GUCY1A1: variants seen among roughly 807,000 people sequenced by gnomAD.
GUCY1A1 encodes guanylate cyclase 1 soluble subunit alpha 1.
Under a neutral mutation model 64.5 loss-of-function variants are expected in GUCY1A1, and 48 were observed. That is an observed-to-expected ratio of 0.74 (90% CI 0.59 to 0.95). The LOEUF is 0.95. Among genes scored for constraint, GUCY1A1 ranks in the 40% least tolerant of loss-of-function variants. GUCY1A1 has a pLI of 0.00. For synonymous variants in GUCY1A1, 308 were observed against 303.4 expected, an observed-to-expected ratio of 1.02 and a Z score of -0.16; for missense variants, 804 against 825.3, an observed-to-expected ratio of 0.97 and a Z score of 0.32.
At position 155,710,565 on chromosome 4, in the gene GUCY1A1, G is replaced by T. The variant is rs1293248600; in HGVS notation, c.400G>T (p.Glu134Ter). 6.2e-7 allele frequency: 1 copy of T among 1,603,390 alleles called. No homozygotes were observed. The highest frequency in any genetic ancestry group is 1.3e-5 in the African/African-American group (1 of 74,360). ...AAGVPVEVIK[E>*]SLGEEVFKIC... ...AGGAGTTCCAGTGGAGGTTATCAAA[G>T]AATCTCTTGGTGAAGAGGTTTTTAA... The change falls in exon 6 of 10, where the codon GAA (glutamate) becomes TAA (stop). Residue 134 changes from glutamate to a stop codon, truncating the protein, a stop_gained. Transcript: ENST00000506455. LOFTEE classifies it high-confidence loss of function.
In GUCY1A1 at chr4:155,736,083, C is replaced by T. The variant is rs1220781523; in HGVS notation, c.*5852C>T. On this transcript the variant is annotated 3_prime_UTR_variant, in exon 10 of 10. Transcript: ENST00000506455. The stretch of plus-strand genomic sequence containing the variant: ...TTGGAAAATATGAGAACTTGATGTT[C>T]ACTGCCCTAGAGCACTATTCTCCAA... 6.6e-6 allele frequency: 1 copy of T among 151,916 alleles called. No individual in the cohort carries two copies. The highest frequency in any genetic ancestry group is 1.5e-5 in the Non-Finnish European group (1 of 67,930). The allele number at this position is 151,916 out of a possible 1,614,324, so 9.4% of individuals were successfully genotyped here.
intron 5 of GUCY1A1, among the ~76,000 whole-genome samples, chr4:155,709,353 T>C (rs150346295): frequency 4.5e-4 from 68 of 152,332 alleles, no homozygotes; most frequent in African/African-American, 1.6e-3. Flanking sequence ...TAATTCTTTC[T>C]CCTATCTCTT....
chr4:155,697,281 TG>T (rs1243011408), intron 3 of GUCY1A1, among the ~76,000 whole-genome samples, 159 bp downstream of exon 3: 1 of 152,226 alleles, frequency 6.6e-6, no homozygotes, highest in African/African-American at 2.4e-5. Context: ...TTAAAGCAAT[TG>T]TGTTCTTAAG....
chr4:155,685,414 C>G (rs903989974), intron 2 of GUCY1A1, among the ~76,000 whole-genome samples: 1 of 152,068 alleles, frequency 6.6e-6, no homozygotes, highest in Non-Finnish European at 1.5e-5. Flanking sequence ...TGTGGTTGTG[C>G]TCCAATAAAA....
chr4:155,688,930 C>T (rs1417288241), intron 2 of GUCY1A1, among the ~76,000 whole-genome samples: 1 of 151,888 alleles, frequency 6.6e-6, no homozygotes, highest in Non-Finnish European at 1.5e-5. Context: ...TAGGAAAGAA[C>T]TATAAGACAG....
chr4:155,717,196 G>T lies in GUCY1A1; in HGVS notation c.1610G>T (p.Gly537Val). 1 of 1,553,788 alleles carries T rather than the reference G, an allele frequency of 6.4e-7. No homozygotes were observed. Among genetic ancestry groups the T allele is most frequent in the South Asian group, 1.2e-5 (1 of 82,362 alleles). The change falls in exon 8 of 10, where the codon GGA (glycine) becomes GTA (valine). Residue 537 changes from glycine (G) to valine (V), a missense_variant. Gly to Val is a moderately radical substitution (Grantham distance 109, BLOSUM62 -3). Coordinates refer to ENST00000506455, the MANE Select transcript of GUCY1A1 (RefSeq NM_001130682.3). ...TIGDAYCVAG[G>V]LHKESDTHAV... ...GGCGATGCCTATTGTGTAGCTGGGG[G>T]ATTACACAAAGAGAGTGATACTCAT...
intron 3 of GUCY1A1, among the ~76,000 whole-genome samples, chr4:155,701,686 C>T (rs985185532): frequency 6.6e-6 from 1 of 151,806 alleles, no homozygotes; most frequent in African/African-American, 2.4e-5. Context: ...TACTTGTAGT[C>T]CCAGCTACTT....
chr4:155,713,334 A>C lies in GUCY1A1; in HGVS notation c.1323A>C (p.Gln441His). Residue 441 changes from glutamine to histidine, a missense_variant, in exon 7 of 10, where the codon CAA becomes CAC. Gln to His is a conservative substitution (Grantham distance 24). Transcript: ENST00000506455. ...AGGCTACCCTTGAGCAAGCCCACCA[A>C]GCCCTGGAGGAGGAGAAGAAAAAGA... ...KLKATLEQAH[Q>H]ALEEEKKKTV... is the part of the protein sequence containing the mutation. 3 of 1,614,192 alleles carry C rather than the reference A, an allele frequency of 1.9e-6. No individual in the cohort carries two copies. The highest frequency in any genetic ancestry group is 2.5e-6 in the Non-Finnish European group (3 of 1,180,026).
rs77494412 is a variant in GUCY1A1 at position 155,718,496 on chromosome 4, G to A, written c.1716+1194G>A. On this transcript the variant is annotated intron_variant, in intron 8 of 9. Coordinates refer to ENST00000506455, the MANE Select transcript of GUCY1A1 (RefSeq NM_001130682.3). ...GGATAAGTCATAGCAGGAATACCTC[G>A]TCTGTGCTCTACAATCTATGGGACC... Among the ~76,000 whole-genome samples the A allele has an allele frequency of 1.0e-2, 1,516 of 152,188 alleles. 8 individuals carry two copies. Among genetic ancestry groups the A allele is most frequent in the Non-Finnish European group, 0.016 (1,097 of 68,006 alleles).
rs564009536 is a variant in GUCY1A1 at position 155,671,756 on chromosome 4, T to TA, written c.-113+4338dup. Among the ~76,000 whole-genome samples the TA allele has an allele frequency of 6.0e-3, 919 of 152,280 alleles. 13 individuals carry two copies. The highest frequency in any genetic ancestry group is 0.021 in the African/African-American group (854 of 41,566). ...TTTATATCTTTAATTTTTTACCTCT[T>TA]AGAGTATTTATAGAAAATGCTTTTA... On this transcript the variant is annotated intron_variant, in intron 2 of 9. Coordinates refer to ENST00000506455, the MANE Select transcript of GUCY1A1 (RefSeq NM_001130682.3).
At chr4:155,672,169 A>G (rs2126508666) in intron 2 of GUCY1A1, among the ~76,000 whole-genome samples, 1 of 152,164 alleles carries the variant, frequency 6.6e-6, no homozygotes, top group South Asian at 2.1e-4. Flanking sequence ...TTTAATCATT[A>G]CCTTTAGTTA....
intron 6 of GUCY1A1, among the ~76,000 whole-genome samples, chr4:155,712,692 A>G (rs1162380819): frequency 6.6e-6 from 1 of 152,222 alleles, no homozygotes; most frequent in Non-Finnish European, 1.5e-5. Context: ...AATAGAACAA[A>G]GAAAAAAGTA....
intron 2 of GUCY1A1, among the ~76,000 whole-genome samples, chr4:155,679,891 A>G (rs560331370): frequency 2.0e-5 from 3 of 152,178 alleles, no homozygotes; most frequent in Non-Finnish European, 2.9e-5. Context: ...TGTAAACACA[A>G]TTGTGGATCT....
intron 2 of GUCY1A1, among the ~76,000 whole-genome samples, chr4:155,678,749 G>T (rs1231298982): frequency 6.6e-6 from 1 of 152,152 alleles, no homozygotes; most frequent in East Asian, 1.9e-4. Flanking sequence ...AATAGCATTT[G>T]TTGAATGTCT....
intron 2 of GUCY1A1, among the ~76,000 whole-genome samples, chr4:155,675,189 G>A (rs907302570): frequency 6.6e-6 from 1 of 151,530 alleles, no homozygotes; most frequent in Admixed American, 6.6e-5. Flanking sequence ...CTTCAAATAT[G>A]CTCATTATAA....
At chr4:155,682,953 A>G (rs1736015409) in intron 2 of GUCY1A1, among the ~76,000 whole-genome samples, 1 of 152,118 alleles carries the variant, frequency 6.6e-6, no homozygotes, top group South Asian at 2.1e-4. Context: ...TATTGATTAT[A>G]GCTAATAGCC....
chr4:155,692,518 T>C (rs141328583), intron 2 of GUCY1A1, among the ~76,000 whole-genome samples: 174 of 152,316 alleles, frequency 1.1e-3, no homozygotes, highest in African/African-American at 4.0e-3. Flanking sequence ...TGGTATCTCA[T>C]TGTGGTTTTT....
intron 9 of GUCY1A1, among the ~76,000 whole-genome samples, chr4:155,726,062 A>C (rs1318432319): frequency 2.6e-5 from 4 of 151,996 alleles, no homozygotes; most frequent in African/African-American, 9.7e-5. Flanking sequence ...ATGACATTGA[A>C]ATTTTAATTT....
intron 2 of GUCY1A1, among the ~76,000 whole-genome samples, chr4:155,676,321 A>G (rs1454238893): frequency 7.7e-6 from 1 of 130,500 alleles, no homozygotes; most frequent in Non-Finnish European, 1.6e-5. Flanking sequence ...TTTTTTTTTA[A>G]CAATTTTGTT....
Sources: gnomAD v4.1 joint callset for allele counts (sites outside exome capture counted in the v4.1 genomes callset) on GRCh38, gnomAD v4.1.1 for gene constraint, MANE v1.5 for transcripts, NCBI Gene and HGNC (gene_info 2026-07-23, HGNC 2026-07-21) for gene names.